Variants in RAD51B observed in about 807,000 individuals in gnomAD.
RAD51B encodes the protein DNA repair protein RAD51 homolog 2.
Under a neutral mutation model 42.2 loss-of-function variants are expected in RAD51B, and 38 were observed. The ratio of observed to expected loss-of-function variants is 0.90; its 90% CI spans 0.70 to 1.18. RAD51B has a LOEUF of 1.18. Ranked by LOEUF, RAD51B falls within the 50% of genes most tolerant of loss-of-function variation. The pLI is 0.00. For missense variants in RAD51B, 373 were observed against 400.7 expected (o/e 0.93, Z 0.59); for synonymous variants, 154 against 145.2 (o/e 1.06, Z -0.43).
chr14:68,137,972 A>G (rs950990010), intron 7 of RAD51B, among the ~76,000 whole-genome samples: 19 of 152,208 alleles, frequency 1.2e-4, no homozygotes, highest in Non-Finnish European at 2.1e-4. Context: ...GCAAGCTCTC[A>G]AAACTCTTTA....
intron 10 of RAD51B, among the ~76,000 whole-genome samples, chr14:68,559,667 C>T (rs2140014724): frequency 6.6e-6 from 1 of 152,318 alleles, no homozygotes; most frequent in South Asian, 2.1e-4. Flanking sequence ...GCGTGGGTCA[C>T]TGCGCCCCCA....
intron 8 of RAD51B, among the ~76,000 whole-genome samples, chr14:68,299,918 A>G (rs1184983006): frequency 6.6e-6 from 1 of 152,136 alleles, no homozygotes; most frequent in African/African-American, 2.4e-5. Flanking sequence ...TTATGATCTA[A>G]TTGACCCATT....
At chr14:68,499,962 C>T (rs1384225255) in intron 10 of RAD51B, among the ~76,000 whole-genome samples, 1 of 152,140 alleles carries the variant, frequency 6.6e-6, no homozygotes, top group Non-Finnish European at 1.5e-5. Flanking sequence ...TCAGGTTGCC[C>T]AGAGAGATGA....
chr14:68,305,115 G>A (rs532726217), intron 8 of RAD51B, among the ~76,000 whole-genome samples: 7 of 152,196 alleles, frequency 4.6e-5, no homozygotes, highest in Non-Finnish European at 8.8e-5. Context: ...CCTACATCCC[G>A]TTGAGTCATT....
intron 10 of RAD51B, among the ~76,000 whole-genome samples, chr14:68,472,319 T>G (rs1250502569): frequency 6.6e-6 from 1 of 152,160 alleles, no homozygotes; most frequent in African/African-American, 2.4e-5. Flanking sequence ...AGAATAAAGA[T>G]TCTGTCATTG....
chr14:68,039,532 A>G (rs1445634366), intron 7 of RAD51B, among the ~76,000 whole-genome samples: 2 of 152,128 alleles, frequency 1.3e-5, no homozygotes, highest in Admixed American at 6.5e-5. Context: ...TTTGAAAACT[A>G]TTATCTAATT....
chr14:68,132,992 G>T (rs1386514807), intron 7 of RAD51B, among the ~76,000 whole-genome samples: 1 of 152,098 alleles, frequency 6.6e-6, no homozygotes, highest in Non-Finnish European at 1.5e-5. Flanking sequence ...TCTCGGGATG[G>T]AAAAAATTGG....
At chr14:67,933,883 T>C (rs2140164004) in intron 7 of RAD51B, among the ~76,000 whole-genome samples, 1 of 152,338 alleles carries the variant, frequency 6.6e-6, no homozygotes, top group South Asian at 2.1e-4. Flanking sequence ...ACCTCTATGC[T>C]CCTGCTGAGT....
chr14:68,530,213 G>A (rs1199201095), intron 10 of RAD51B, among the ~76,000 whole-genome samples: 1 of 151,982 alleles, frequency 6.6e-6, no homozygotes. Flanking sequence ...GGAGGCAGAG[G>A]CAGGAGGATC....
chr14:67,834,399 G>A (rs370918931), intron 3 of RAD51B, among the ~76,000 whole-genome samples: 1 of 151,238 alleles, frequency 6.6e-6, no homozygotes, highest in Non-Finnish European at 1.5e-5. Flanking sequence ...GGGTGGGGGT[G>A]GGGGGTCATT....
chr14:68,200,180 C>G (rs1288040238), intron 7 of RAD51B, among the ~76,000 whole-genome samples: 1 of 152,148 alleles, frequency 6.6e-6, no homozygotes. Flanking sequence ...TAATCGTCTT[C>G]TAGTTTTTTT....
At chr14:68,156,834 C>A (rs949637730) in intron 7 of RAD51B, among the ~76,000 whole-genome samples, 1 of 151,774 alleles carries the variant, frequency 6.6e-6, no homozygotes, top group East Asian at 1.9e-4. Context: ...AAGTGTAAAC[C>A]TTTGTTTGGT....
At chr14:68,447,019 C>T (rs1457162394) in intron 9 of RAD51B, among the ~76,000 whole-genome samples, 1 of 152,084 alleles carries the variant, frequency 6.6e-6, no homozygotes, top group East Asian at 1.9e-4. Flanking sequence ...GAGTTCGAGA[C>T]CAGCCTGACC....
At chr14:68,293,860 T>C (rs763310515) in intron 8 of RAD51B, among the ~76,000 whole-genome samples, 1 of 152,268 alleles carries the variant, frequency 6.6e-6, no homozygotes, top group Non-Finnish European at 1.5e-5. Flanking sequence ...TTTGTATCCA[T>C]GTTGTTATCC....
chr14:68,113,006 C>T (rs541451290), intron 7 of RAD51B, among the ~76,000 whole-genome samples: 16 of 152,156 alleles, frequency 1.1e-4, no homozygotes, highest in Non-Finnish European at 7.4e-5. Context: ...TTTTGACCTA[C>T]CATATCTAAT....
intron 10 of RAD51B, among the ~76,000 whole-genome samples, chr14:68,591,958 G>A (rs1035676349): frequency 2.6e-5 from 4 of 152,172 alleles, no homozygotes; most frequent in South Asian, 2.1e-4. Context: ...ACCTAGGACT[G>A]TGTGGAGCTG....
At chr14:67,840,713 T>G (rs1279680377) in intron 4 of RAD51B, among the ~76,000 whole-genome samples, 1 of 152,232 alleles carries the variant, frequency 6.6e-6, no homozygotes, top group African/African-American at 2.4e-5. Flanking sequence ...TCCAAACTCC[T>G]TTGCACAGTG....
chr14:68,352,244 G>A (rs557228041), intron 8 of RAD51B, among the ~76,000 whole-genome samples: 104 of 152,322 alleles, frequency 6.8e-4, no homozygotes, highest in Non-Finnish European at 1.2e-3. Flanking sequence ...ACAGAGTAAC[G>A]AGGGCTTAAA....
intron 10 of RAD51B, among the ~76,000 whole-genome samples, chr14:68,498,752 G>A (rs149761455): frequency 3.1e-3 from 470 of 152,314 alleles, no homozygotes; most frequent in Non-Finnish European, 3.6e-3. Context: ...AAACCACCTG[G>A]AAGGAGCTGA....
Sources: gnomAD v4.1 joint callset for allele counts (sites outside exome capture counted in the v4.1 genomes callset) on GRCh38, gnomAD v4.1.1 for gene constraint, MANE v1.5 for transcripts, NCBI Gene and HGNC (gene_info 2026-07-23, HGNC 2026-07-21) for gene names.